The following CTNND2 variants were observed in gnomAD, a reference collection of about 807,000 sequenced individuals.
CTNND2 encodes the protein catenin delta 2.
In CTNND2, 22 loss-of-function variants were observed where a neutral mutation model predicts 144.4. The observed-to-expected ratio is 0.15, with a 90% confidence interval of 0.11 to 0.22. The LOEUF is 0.22. Ranked by LOEUF, CTNND2 falls within the 10% of genes least tolerant of loss-of-function variation. The probability of loss-of-function intolerance (pLI) is 1.00; values close to 1 mark genes in which losing one functional copy is unlikely to be tolerated. For synonymous variants in CTNND2, 751 were observed against 695.6 expected (o/e 1.08, Z -1.25); for missense variants, 1,353 against 1,618.8 (o/e 0.84, Z 2.82).
At chr5:11,693,280 T>C (rs1320595399) in intron 2 of CTNND2, among the ~76,000 whole-genome samples, 1 of 152,204 alleles carries the variant, frequency 6.6e-6, no homozygotes, top group Non-Finnish European at 1.5e-5. Context: ...AGAACTCTGA[T>C]AAATAAATTT....
At chr5:11,593,154 A>C (rs1000320943) in intron 2 of CTNND2, among the ~76,000 whole-genome samples, 2 of 152,322 alleles carry the variant, frequency 1.3e-5, no homozygotes, top group African/African-American at 4.8e-5. Context: ...TGGAGTAGCC[A>C]AGGCTTTCTT....
chr5:11,133,886 A>T (rs1377478828), intron 12 of CTNND2, among the ~76,000 whole-genome samples: 1 of 152,176 alleles, frequency 6.6e-6, no homozygotes, highest in East Asian at 1.9e-4. Context: ...TCATGATTGC[A>T]CTTTTCCCCT....
intron 3 of CTNND2, among the ~76,000 whole-genome samples, chr5:11,538,253 G>A (rs931320412): frequency 2.0e-5 from 3 of 152,196 alleles, no homozygotes; most frequent in African/African-American, 4.8e-5. Flanking sequence ...TAATGGGAGA[G>A]TGGGAAGAAG....
chr5:11,806,143 T>C (rs1356057435), intron 1 of CTNND2, among the ~76,000 whole-genome samples: 1 of 152,026 alleles, frequency 6.6e-6, no homozygotes, highest in Non-Finnish European at 1.5e-5. Context: ...CCTAGGAAAG[T>C]TGGAATAAAG....
intron 2 of CTNND2, among the ~76,000 whole-genome samples, chr5:11,674,283 C>T (rs1026256855): frequency 2.0e-5 from 3 of 152,162 alleles, no homozygotes; most frequent in South Asian, 2.1e-4. Context: ...ATATATGCCA[C>T]GTTCCATTAT....
rs10474921 is a variant in CTNND2 at position 11,376,638 on chromosome 5, C to T, written c.1177+8027G>A. Among the ~76,000 whole-genome samples the T allele has an allele frequency of 4.6e-3, 706 of 152,252 alleles. 6 individuals are homozygous for T. Among genetic ancestry groups the T allele is most frequent in the African/African-American group, 0.016 (676 of 41,518 alleles). ...GTTGGGGGAGCAGTCCCAACTTCCT[C>T]ATCACTCCATACGCTTGTACTATCT... On this transcript the variant is annotated intron_variant, in intron 7 of 21. Coordinates refer to ENST00000304623, the MANE Select transcript of CTNND2 (RefSeq NM_001332.4).
At chr5:11,420,051 G>A (rs557846443) in intron 3 of CTNND2, among the ~76,000 whole-genome samples, 2 of 152,262 alleles carry the variant, frequency 1.3e-5, no homozygotes, top group African/African-American at 2.4e-5. Flanking sequence ...CTGGCCAGGC[G>A]TGGTGGCTCA....
intron 1 of CTNND2, among the ~76,000 whole-genome samples, chr5:11,856,660 T>G (rs535420658): frequency 1.3e-5 from 2 of 152,180 alleles, no homozygotes; most frequent in South Asian, 4.1e-4. Flanking sequence ...ATAAGTCAAA[T>G]AGCACCCCAG....
At chr5:11,121,057 C>A (rs1439823582) in intron 12 of CTNND2, among the ~76,000 whole-genome samples, 1 of 152,172 alleles carries the variant, frequency 6.6e-6, no homozygotes, top group Non-Finnish European at 1.5e-5. Context: ...TTTTGATCAA[C>A]ATGTTAAGGT....
At chr5:11,571,251 ATG>A (rs754599586) in intron 2 of CTNND2, among the ~76,000 whole-genome samples, 78 of 152,238 alleles carry the variant, frequency 5.1e-4, no homozygotes, top group Non-Finnish European at 7.8e-4. Flanking sequence ...GTCTGCTCAT[ATG>A]TGACTGTTGG....
At chr5:11,135,351 TTAATA>T in intron 12 of CTNND2, among the ~76,000 whole-genome samples, 1 of 152,374 alleles carries the variant, frequency 6.6e-6, no homozygotes. Flanking sequence ...AAAGTTCATC[TTAATA>T]TAATTACTCT....
chr5:11,068,103 A>G (rs754048391), intron 16 of CTNND2, among the ~76,000 whole-genome samples: 3 of 152,240 alleles, frequency 2.0e-5, no homozygotes, highest in Admixed American at 6.5e-5. Flanking sequence ...GGGATATCTC[A>G]GAGGAAAAAT....
intron 8 of CTNND2, among the ~76,000 whole-genome samples, chr5:11,352,526 T>C (rs1308436343): frequency 2.6e-5 from 4 of 152,182 alleles, no homozygotes; most frequent in African/African-American, 9.6e-5. Context: ...CAAACCTGCA[T>C]GTCCTGAACA....
Position 11,903,309 on chromosome 5 carries a change from G to T in CTNND2, c.37+508C>A. On this transcript the variant is annotated intron_variant, in intron 1 of 21. Coordinates refer to ENST00000304623, the MANE Select transcript of CTNND2 (RefSeq NM_001332.4). The surrounding 1 kb of genome is among the most constrained non-coding windows in gnomAD (Gnocchi z 5.4). ...ACCAAGGGGGCTCAGGGTCTGGCAA[G>T]CCGCGGGAGCCTGAAGACACGGCCA... 4 of 985,838 alleles carry T rather than the reference G, an allele frequency of 4.1e-6. No homozygotes were observed. The highest frequency in any genetic ancestry group is 4.8e-6 in the Non-Finnish European group (4 of 830,260). 61.1% of individuals were successfully genotyped at this position (985,838 alleles called of 1,614,324 possible). A position where few individuals can be genotyped will look rare whatever the true frequency, so the allele number is the denominator to read the frequency against.
chr5:11,174,758 G>T (rs904696504), intron 11 of CTNND2, among the ~76,000 whole-genome samples: 2 of 152,184 alleles, frequency 1.3e-5, no homozygotes, highest in African/African-American at 4.8e-5. Context: ...CTGAGTCAAG[G>T]CAGGAGCAAC....
At chr5:10,992,469 C>T (rs200889914) in intron 19 of CTNND2, 82 bp downstream of exon 19, 508 of 1,588,200 alleles carry the variant, frequency 3.2e-4, no homozygotes, top group African/African-American at 1.3e-3. Context: ...CCTCTGAGTA[C>T]GGGTTGGCTC....
chr5:11,699,741 C>T lies in CTNND2; in HGVS notation c.174+32395G>A, dbSNP rs540311285. 3.0e-4 allele frequency among the ~76,000 whole-genome samples: 45 copies of T among 152,330 alleles called. No individual in the cohort carries two copies. In the South Asian group the frequency reaches 7.3e-3, roughly 25 times the overall value. Reference sequence around the variant, plus strand: ...GCCACATAAAAAAGCATATCATCCACGGGCTTCCTTTCAAAGTAAAAATAT... The same window carrying T: ...GCCACATAAAAAAGCATATCATCCATGGGCTTCCTTTCAAAGTAAAAATAT... On this transcript the variant is annotated intron_variant, in intron 2 of 21. Transcript: ENST00000304623.
At chr5:11,470,217 C>T (rs1315370029) in intron 3 of CTNND2, among the ~76,000 whole-genome samples, 1 of 152,076 alleles carries the variant, frequency 6.6e-6, no homozygotes, top group East Asian at 1.9e-4. Context: ...AGGCGGATCA[C>T]CTGAGGTCAG....
At chr5:11,696,405 C>T (rs2126660365) in intron 2 of CTNND2, among the ~76,000 whole-genome samples, 1 of 152,256 alleles carries the variant, frequency 6.6e-6, no homozygotes, top group African/African-American at 2.4e-5. Context: ...GTTTGCAGAC[C>T]ACTAGTTCAA....
Sources: gnomAD v4.1 joint callset for allele counts (sites outside exome capture counted in the v4.1 genomes callset) on GRCh38, gnomAD v4.1.1 for gene constraint, Gnocchi (gnomAD v3.1) non-coding constraint, MANE v1.5 for transcripts, NCBI Gene and HGNC (gene_info 2026-07-23, HGNC 2026-07-21) for gene names.